Variants in ATP7B observed in about 807,000 individuals in gnomAD.
ATP7B encodes the protein ATPase copper transporting beta, also known as copper-transporting ATPase 2.
Under a neutral mutation model 118.9 loss-of-function variants are expected in ATP7B, and 113 were observed. That is an observed-to-expected ratio of 0.95 (90% CI 0.82 to 1.11). The LOEUF is 1.11. Ranked by LOEUF, ATP7B falls within the 50% of genes most tolerant of loss-of-function variation. The pLI is 0.00. For synonymous variants in ATP7B, 777 were observed against 727.4 expected, an observed-to-expected ratio of 1.07 and a Z score of -1.10; for missense variants, 1,867 against 1,871.4, an observed-to-expected ratio of 1.00 and a Z score of 0.04.
chr13:51,946,261 G>T (rs1047199344), intron 13 of ATP7B, 23 bp downstream of exon 13: 7 of 1,558,508 alleles, frequency 4.5e-6, no homozygotes, highest in Non-Finnish European at 6.1e-6. Context: ...CTCAGGATGG[G>T]GAAAGCCGTG....
chr13:51,991,964 G>A (rs536405647), intron 1 of ATP7B, among the ~76,000 whole-genome samples: 1 of 152,260 alleles, frequency 6.6e-6, no homozygotes, highest in East Asian at 1.9e-4. Flanking sequence ...GGAGCGGGCG[G>A]AAATGTGCCC....
In ATP7B at chr13:51,935,695, C is replaced by T. The variant is rs779494870; in HGVS notation, c.4022G>A (p.Gly1341Asp). The T allele has an allele frequency of 6.2e-6, 10 of 1,611,176 alleles. No individual in the cohort carries two copies. The highest frequency in any genetic ancestry group is 8.5e-6 in the Non-Finnish European group (10 of 1,178,982). ...CACAATGCCGATGGGCATGAAGACA[C>T]CTGGGGAAGAAAGAACTCGCACTCA... ...YNLVGIPIAA[G>D]VFMPIGIVLQ... Residue 1341 changes from glycine (G) to aspartate (D), a missense_variant and splice_region_variant, in exon 20 of 21, where the codon GGT becomes GAT. Transcript: ENST00000242839.
At chr13:51,937,970 G>T (rs566145352) in intron 17 of ATP7B, among the ~76,000 whole-genome samples, 2 of 152,116 alleles carry the variant, frequency 1.3e-5, no homozygotes, top group Admixed American at 6.5e-5. Flanking sequence ...CTGCCCCCAT[G>T]GTCTTTCCAA....
At chr13:52,005,449 C>T (rs1286381540) in intron 1 of ATP7B, among the ~76,000 whole-genome samples, 2 of 152,218 alleles carry the variant, frequency 1.3e-5, no homozygotes, top group African/African-American at 4.8e-5. Flanking sequence ...CCCACGTTCT[C>T]TGCCATTTTA....
intron 9 of ATP7B, among the ~76,000 whole-genome samples, chr13:51,952,857 C>A (rs1210940481): frequency 6.6e-6 from 1 of 152,116 alleles, no homozygotes; most frequent in Non-Finnish European, 1.5e-5. Context: ...TTTATTATCA[C>A]CTAATTGACA....
chr13:51,934,385 A>G lies in ATP7B; in HGVS notation c.*371T>C. ...GGTCTGCAGTTCTCTGGAAAGGCCC[A>G]GTGAGGTTTTTTGGTCCTGATGAAA... On this transcript the variant is annotated 3_prime_UTR_variant, in exon 21 of 21. Coordinates refer to ENST00000242839, the MANE Select transcript of ATP7B (RefSeq NM_000053.4). 1 of 345,674 alleles carries G rather than the reference A, an allele frequency of 2.9e-6. No individual in the cohort carries two copies. The highest frequency in any genetic ancestry group is 5.6e-6 in the Non-Finnish European group (1 of 177,046). 21.4% of individuals were successfully genotyped at this position (345,674 alleles called of 1,614,324 possible). A position where few individuals can be genotyped will look rare whatever the true frequency, so the allele number is the denominator to read the frequency against.
chr13:51,978,339 T>C (rs1952228468), intron 1 of ATP7B, among the ~76,000 whole-genome samples: 1 of 152,202 alleles, frequency 6.6e-6, no homozygotes, highest in African/African-American at 2.4e-5. Flanking sequence ...GAAATGCATA[T>C]GGTTTTTAAA....
At chr13:51,998,261 A>C (rs1327755556) in intron 1 of ATP7B, among the ~76,000 whole-genome samples, 1 of 152,166 alleles carries the variant, frequency 6.6e-6, no homozygotes, top group Non-Finnish European at 1.5e-5. Flanking sequence ...CTCAGTCCAC[A>C]CTTGTTACTG....
intron 9 of ATP7B, among the ~76,000 whole-genome samples, chr13:51,953,561 T>C (rs947886895): frequency 1.2e-4 from 18 of 152,298 alleles, no homozygotes; most frequent in Admixed American, 1.1e-3. Flanking sequence ...AATAGTCCTT[T>C]ATGAGGGTTA....
intron 1 of ATP7B, chr13:51,975,712 C>CA: frequency 2.4e-6 from 1 of 424,820 alleles, no homozygotes; most frequent in Admixed American, 2.5e-5. Flanking sequence ...ATGTGCTTAA[C>CA]ACCCTTCAGG....
At chr13:51,983,216 A>C (rs1952504313) in intron 1 of ATP7B, among the ~76,000 whole-genome samples, 1 of 152,156 alleles carries the variant, frequency 6.6e-6, no homozygotes, top group Non-Finnish European at 1.5e-5. Context: ...TGGGATGCTC[A>C]AGCTTGGTCG....
intron 1 of ATP7B, among the ~76,000 whole-genome samples, chr13:52,007,424 T>C (rs1057077863): frequency 5.3e-5 from 8 of 152,142 alleles, no homozygotes; most frequent in African/African-American, 1.9e-4. Context: ...TGAACTCTGA[T>C]CTCCTGTTCT....
Position 51,933,306 on chromosome 13 carries a change from C to T in ATP7B, c.*1450G>A, listed in dbSNP as rs1252198504. On this transcript the variant is annotated 3_prime_UTR_variant, in exon 21 of 21. Transcript: ENST00000242839. ...GGCAAAGTCCTCAGCCTCTTGGAGC[C>T]TGTTTCCTTGCCTGTAAAATGTGGA... 1 of 152,228 alleles carries T rather than the reference C, an allele frequency of 6.6e-6. No individual in the cohort carries two copies. The highest frequency in any genetic ancestry group is 1.5e-5 in the Non-Finnish European group (1 of 68,040). The allele number at this position is 152,228 out of a possible 1,614,324, so 9.4% of individuals were successfully genotyped here. A position where few individuals can be genotyped will look rare whatever the true frequency, so the allele number is the denominator to read the frequency against.
intron 1 of ATP7B, among the ~76,000 whole-genome samples, chr13:51,998,693 G>T (rs1953338114): frequency 6.6e-6 from 1 of 152,120 alleles, no homozygotes; most frequent in Non-Finnish European, 1.5e-5. Context: ...CCCAGTCTGT[G>T]GATTTTTCCT....
intron 5 of ATP7B, 76 bp downstream of exon 5, chr13:51,964,796 T>A: frequency 6.6e-7 from 1 of 1,524,848 alleles, no homozygotes; most frequent in Non-Finnish European, 9.0e-7. Flanking sequence ...CTTAGCTATA[T>A]TTTCTCATTT....
At chr13:51,942,623 G>T in intron 14 of ATP7B, 69 bp from the exon 15 acceptor site, 1 of 1,586,168 alleles carries the variant, frequency 6.3e-7, no homozygotes, top group Non-Finnish European at 8.6e-7. Context: ...GGAGGGGCAG[G>T]CAGGACAGGG....
intron 1 of ATP7B, among the ~76,000 whole-genome samples, chr13:51,990,505 G>T (rs978999464): frequency 6.6e-6 from 1 of 152,196 alleles, no homozygotes; most frequent in Non-Finnish European, 1.5e-5. Flanking sequence ...TTGCAGAACT[G>T]TATTAAGACA....
intron 5 of ATP7B, among the ~76,000 whole-genome samples, chr13:51,964,451 A>G (rs1958957417): frequency 6.6e-6 from 1 of 152,180 alleles, no homozygotes; most frequent in Non-Finnish European, 1.5e-5. Flanking sequence ...GCTCTCCACA[A>G]CAAGAGTGGC....
intron 12 of ATP7B, 24 bp downstream of exon 12, chr13:51,949,638 T>C (rs1253056454): frequency 6.2e-7 from 1 of 1,612,698 alleles, no homozygotes; most frequent in African/African-American, 1.3e-5. Flanking sequence ...ACAACCACCA[T>C]ATAGCCCAAG....
Sources: gnomAD v4.1 joint callset for allele counts (sites outside exome capture counted in the v4.1 genomes callset) on GRCh38, gnomAD v4.1.1 for gene constraint, MANE v1.5 for transcripts, NCBI Gene and HGNC (gene_info 2026-07-23, HGNC 2026-07-21) for gene names.